Variants in AP2B1 observed in about 807,000 individuals in gnomAD.
AP2B1 encodes adaptor related protein complex 2 subunit beta 1.
AP2B1 carries 23 observed loss-of-function variants against 102.0 expected under a neutral mutation model. The observed-to-expected ratio is 0.23, with a 90% CI of 0.16 to 0.32. The LOEUF is 0.32. Ranked by LOEUF, AP2B1 falls within the 10% of genes least tolerant of loss-of-function variation. The probability of loss-of-function intolerance (pLI) is 1.00; values close to 1 mark genes in which losing one functional copy is unlikely to be tolerated. For synonymous variants in AP2B1, 381 were observed against 421.2 expected, an observed-to-expected ratio of 0.90 and a Z score of 1.17; for missense variants, 541 against 1,157.4, an observed-to-expected ratio of 0.47 and a Z score of 7.73.
At chr17:35,614,856 A>G (rs192917230) in intron 5 of AP2B1, among the ~76,000 whole-genome samples, 18 of 152,210 alleles carry the variant, frequency 1.2e-4, no homozygotes, top group African/African-American at 4.3e-4. Context: ...AGAAAGCAGT[A>G]TGTATTTTGA....
chr17:35,600,967 T>C (rs2073460672), intron 3 of AP2B1: 2 of 984,156 alleles, frequency 2.0e-6, no homozygotes, highest in Non-Finnish European at 1.2e-6. Context: ...ATTTTTGTTA[T>C]TTTTCTTTTG....
intron 4 of AP2B1, chr17:35,607,858 GA>G (rs1306813811): frequency 1.1e-5 from 3 of 280,536 alleles, no homozygotes; most frequent in African/African-American, 4.4e-5. Context: ...ATGGCTGTGG[GA>G]TGGTACGAAC....
chr17:35,682,933 A>C (rs1282494731), intron 18 of AP2B1, 109 bp downstream of exon 18: 6 of 1,111,594 alleles, frequency 5.4e-6, no homozygotes, highest in Non-Finnish European at 6.0e-6. Flanking sequence ...GCTGGAGTGT[A>C]GTGGTGCGAT....
chr17:35,681,898 A>T (rs1480272777), intron 17 of AP2B1, among the ~76,000 whole-genome samples: 2 of 152,190 alleles, frequency 1.3e-5, no homozygotes. Flanking sequence ...GAAAACAGAA[A>T]ATTATGATGT....
At chr17:35,685,666 CTTA>C (rs1362789311) in intron 18 of AP2B1, among the ~76,000 whole-genome samples, 1 of 152,096 alleles carries the variant, frequency 6.6e-6, no homozygotes, top group African/African-American at 2.4e-5. Flanking sequence ...TAGTATAAAA[CTTA>C]TTATAAAAAC....
chr17:35,715,437 T>C (rs1254915518), intron 20 of AP2B1, among the ~76,000 whole-genome samples: 1 of 152,262 alleles, frequency 6.6e-6, no homozygotes, highest in African/African-American at 2.4e-5. Context: ...TTTGTGCCTA[T>C]GCAACAAGGT....
At chr17:35,654,513 T>C (rs931762413) in intron 13 of AP2B1, among the ~76,000 whole-genome samples, 2 of 152,222 alleles carry the variant, frequency 1.3e-5, no homozygotes, top group African/African-American at 4.8e-5. Flanking sequence ...TACAGTTGTT[T>C]TTGAGGTGGC....
intron 18 of AP2B1, among the ~76,000 whole-genome samples, chr17:35,700,973 A>C (rs2076228829): frequency 6.6e-6 from 1 of 152,242 alleles, no homozygotes. Context: ...GACATACCAA[A>C]GAAACAGAGG....
At chr17:35,624,970 A>T (rs1262587073) in intron 6 of AP2B1, among the ~76,000 whole-genome samples, 2 of 152,204 alleles carry the variant, frequency 1.3e-5, no homozygotes, top group African/African-American at 4.8e-5. Context: ...TGTATATATA[A>T]TTCAGTATGA....
chr17:35,588,261 A>G (rs2072968263), intron 1 of AP2B1, among the ~76,000 whole-genome samples: 1 of 151,854 alleles, frequency 6.6e-6, no homozygotes, highest in Admixed American at 6.6e-5. Flanking sequence ...ACAGGCCTTT[A>G]TTGAACTCAC....
intron 13 of AP2B1, among the ~76,000 whole-genome samples, chr17:35,656,897 A>AAG (rs1396755928): frequency 1.3e-5 from 2 of 151,732 alleles, no homozygotes; most frequent in African/African-American, 4.9e-5. Flanking sequence ...AAAAAAAAAA[A>AAG]AAATCAACTC....
intron 16 of AP2B1, 130 bp downstream of exon 16, chr17:35,672,030 G>A: frequency 4.0e-6 from 4 of 987,660 alleles, no homozygotes; most frequent in Non-Finnish European, 4.3e-6. Context: ...GGACTTAGAG[G>A]AAGATGAAAG....
intron 13 of AP2B1, among the ~76,000 whole-genome samples, chr17:35,653,602 T>C (rs900224127): frequency 6.6e-6 from 1 of 152,196 alleles, no homozygotes; most frequent in Admixed American, 6.5e-5. Context: ...GTCTCCTGAG[T>C]AGCTGGGACT....
At chr17:35,600,346 ACTG>A (rs1410054373) in intron 3 of AP2B1, among the ~76,000 whole-genome samples, 2 of 152,046 alleles carry the variant, frequency 1.3e-5, no homozygotes, top group Non-Finnish European at 2.9e-5. Context: ...GCCTCACAAA[ACTG>A]CTGGGATTAC....
chr17:35,663,715 G>C (rs1406387740), intron 14 of AP2B1, among the ~76,000 whole-genome samples: 1 of 152,184 alleles, frequency 6.6e-6, no homozygotes, highest in Admixed American at 6.5e-5. Flanking sequence ...TTACCACTTA[G>C]AATGTAAAAT....
At chr17:35,646,331 G>A (rs1567891263) in intron 12 of AP2B1, among the ~76,000 whole-genome samples, 1 of 152,308 alleles carries the variant, frequency 6.6e-6, no homozygotes, top group South Asian at 2.1e-4. Flanking sequence ...ATGTGAGGCA[G>A]TTGGTGAGGA....
At chr17:35,596,724 A>T (rs1056490501) in intron 2 of AP2B1, among the ~76,000 whole-genome samples, 1 of 151,996 alleles carries the variant, frequency 6.6e-6, no homozygotes, top group Non-Finnish European at 1.5e-5. Flanking sequence ...GTAGAAGCCC[A>T]CGGCGGCGCA....
intron 5 of AP2B1, among the ~76,000 whole-genome samples, chr17:35,616,140 CTCTTTTTTTTTTTTTTTT>C (rs1567817309): frequency 5.0e-5 from 4 of 79,334 alleles, no homozygotes; most frequent in Non-Finnish European, 1.0e-4. Flanking sequence ...TAAAAAATAT[CTCTTTTTTTTTTTTTTTT>C]TTTTTTTTTT....
At chr17:35,715,601 A>C (rs955370214) in intron 20 of AP2B1, among the ~76,000 whole-genome samples, 2 of 152,218 alleles carry the variant, frequency 1.3e-5, no homozygotes, top group East Asian at 3.9e-4. Context: ...ACCCTAGCTG[A>C]TGATGTTGCC....
Sources: gnomAD v4.1 joint callset for allele counts (sites outside exome capture counted in the v4.1 genomes callset) on GRCh38, gnomAD v4.1.1 for gene constraint, MANE v1.5 for transcripts, NCBI Gene and HGNC (gene_info 2026-07-23, HGNC 2026-07-21) for gene names.